The following KLF17 variants were observed in gnomAD, a reference collection of about 807,000 sequenced individuals.
The protein encoded by KLF17 is Krueppel-like factor 17.
KLF17 carries 31 observed loss-of-function variants against 34.2 expected under a neutral mutation model. That is an observed-to-expected ratio of 0.91 (90% CI 0.68 to 1.22). The LOEUF is 1.22. Ranked by LOEUF, KLF17 falls within the 50% of genes most tolerant of loss-of-function variation. KLF17 has a pLI of 0.00. For synonymous variants in KLF17, 179 were observed against 186.7 expected, an observed-to-expected ratio of 0.96 and a Z score of 0.34; for missense variants, 478 against 505.2, an observed-to-expected ratio of 0.95 and a Z score of 0.52.
In KLF17 at chr1:44,129,724, A is replaced by G. The variant is rs1195884698; in HGVS notation, c.453A>G (p.Leu151=). The change falls in exon 2 of 4, where the codon CTA becomes CTG. Residue 151 remains leucine (L), a synonymous_variant. Coordinates refer to ENST00000372299, the MANE Select transcript of KLF17 (RefSeq NM_173484.4). ...TAGCCAGGCCCTTCGGTGGGAATCT[A>G]AGGATGCCCCCCAATGGGCTGCCAG... The part of the protein sequence containing the change: ...PRVARPFGGN[L]RMPPNGLPVS... The G allele has an allele frequency of 6.2e-7, 1 of 1,614,162 alleles. No individual in the cohort carries two copies.
chr1:44,113,958 C>G (rs2087858187), upstream of KLF17: 2 of 152,336 alleles, frequency 1.3e-5, no homozygotes, highest in Admixed American at 1.3e-4. Flanking sequence ...GGCAGCATGC[C>G]TGCCCCTGAG....
chr1:44,065,855 A>G, the KLF17 span, among the ~76,000 whole-genome samples: 1 of 147,298 alleles, frequency 6.8e-6, no homozygotes, highest in African/African-American at 2.5e-5. Flanking sequence ...CCTATAAAAT[A>G]GTAAGAAATA....
At chr1:44,070,765 A>G in the KLF17 span, among the ~76,000 whole-genome samples, 2 of 151,772 alleles carry the variant, frequency 1.3e-5, no homozygotes, top group Non-Finnish European at 2.9e-5. Flanking sequence ...CAAACAAAGC[A>G]CATGTTTGAG....
intron 3 of KLF17, among the ~76,000 whole-genome samples, chr1:44,131,959 TGCTGGGATTACAA>T (rs2088115785): frequency 6.6e-6 from 1 of 152,038 alleles, no homozygotes; most frequent in South Asian, 2.1e-4. Context: ...CTTCCCAAAA[TGCTGGGATTACAA>T]GCATAAGCCA....
At chr1:44,060,897 C>A in the KLF17 span, among the ~76,000 whole-genome samples, 2 of 152,208 alleles carry the variant, frequency 1.3e-5, no homozygotes, top group Admixed American at 1.3e-4. Context: ...CATACATCAA[C>A]AACTCTGGGC....
the KLF17 span, among the ~76,000 whole-genome samples, chr1:44,092,172 A>G: frequency 2.0e-5 from 3 of 151,864 alleles, no homozygotes; most frequent in African/African-American, 7.3e-5. Flanking sequence ...GAGAAACACC[A>G]TCTCTACTTA....
At chr1:44,131,331 A>C (rs1392220860) in intron 3 of KLF17, among the ~76,000 whole-genome samples, 1 of 152,146 alleles carries the variant, frequency 6.6e-6, no homozygotes, top group African/African-American at 2.4e-5. Context: ...TGGGAGCTTC[A>C]TTAAAATGCT....
At position 44,129,488 on chromosome 1, in the gene KLF17, G is replaced by C. The variant is rs2088074719; in HGVS notation, c.217G>C (p.Val73Leu). 5.0e-6 allele frequency: 8 copies of C among 1,612,280 alleles called. No individual in the cohort carries two copies. The highest frequency in any genetic ancestry group is 6.8e-6 in the Non-Finnish European group (8 of 1,179,040). ...CGCAGAGATGCTGGGGTCCCCTTTG[G>C]TGTCTGTTGAGGCGCCGGGGCAGAA... The part of the protein sequence containing the change: ...HSAEMLGSPL[V>L]SVEAPGQNVN... The change falls in exon 2 of 4, where the codon GTG becomes CTG. Residue 73 changes from valine (V) to leucine (L), a missense_variant. By Grantham distance (32) the Val-to-Leu change is conservative. Transcript: ENST00000372299.
At chr1:44,058,715 A>G in the KLF17 span, among the ~76,000 whole-genome samples, 1 of 106,258 alleles carries the variant, frequency 9.4e-6, no homozygotes, top group Non-Finnish European at 1.7e-5. Flanking sequence ...CCCGAGACGG[A>G]GTCTCGCTCA....
In KLF17 at chr1:44,133,742, GTCCTACTTCACT is replaced by G. The variant is rs2088138493; in HGVS notation, c.*506_*517del. The G allele has an allele frequency of 6.6e-6, 1 of 152,266 alleles. No homozygotes were observed. The highest frequency in any genetic ancestry group is 1.5e-5 in the Non-Finnish European group (1 of 68,088). The allele number at this position is 152,266 out of a possible 1,614,324, so 9.4% of individuals were successfully genotyped here. On this transcript the variant is annotated 3_prime_UTR_variant, in exon 4 of 4. Coordinates refer to ENST00000372299, the MANE Select transcript of KLF17 (RefSeq NM_173484.4). Reference sequence around the variant, plus strand: ...GCCCTCTCACCCCTACCCTGACCTTGTCCTACTTCACTGCCTTTGTCTGTGTTACTAGTGGCC... The same window carrying G: ...GCCCTCTCACCCCTACCCTGACCTTGGCCTTTGTCTGTGTTACTAGTGGCC...
chr1:44,095,882 C>T, the KLF17 span, among the ~76,000 whole-genome samples: 5 of 151,832 alleles, frequency 3.3e-5, no homozygotes, highest in Non-Finnish European at 5.9e-5. Context: ...TTATATCCTG[C>T]AACTTTACTG....
the KLF17 span, among the ~76,000 whole-genome samples, chr1:44,073,420 G>A: frequency 6.6e-6 from 1 of 150,518 alleles, no homozygotes; most frequent in Non-Finnish European, 1.5e-5. Context: ...TGGCCAGGCT[G>A]GTCTCCAACT....
At position 44,130,612 on chromosome 1, in the gene KLF17, A is replaced by G; in HGVS notation, c.1026A>G (p.Pro342=). ...RHMRVHTRYR[P]YKCDQCSREF... Reference sequence around the variant, plus strand: ...TGCGGGTACACACCAGATATCGACCATATAAATGTGATCAGTGCAGCCGGG... The same window carrying G: ...TGCGGGTACACACCAGATATCGACCGTATAAATGTGATCAGTGCAGCCGGG... The change falls in exon 3 of 4, where the codon CCA becomes CCG. Residue 342 remains proline (P), a synonymous_variant. Coordinates refer to ENST00000372299, the MANE Select transcript of KLF17 (RefSeq NM_173484.4). 1.2e-6 allele frequency: 2 copies of G among 1,614,120 alleles called. No homozygotes were observed. The highest frequency in any genetic ancestry group is 1.7e-6 in the Non-Finnish European group (2 of 1,180,016).
chr1:44,113,864 T>C (rs900692634), upstream of KLF17: 5 of 152,294 alleles, frequency 3.3e-5, no homozygotes, highest in African/African-American at 1.2e-4. Flanking sequence ...TACAGCACTT[T>C]GCAGGGGACA....
At chr1:44,102,771 A>ATAGCTG in the KLF17 span, among the ~76,000 whole-genome samples, 7 of 152,266 alleles carry the variant, frequency 4.6e-5, no homozygotes, top group Admixed American at 4.6e-4. Context: ...GATAGTGGGA[A>ATAGCTG]TAGCTGTGCA....
At chr1:44,131,128 C>T (rs2154311856) in intron 3 of KLF17, among the ~76,000 whole-genome samples, 1 of 152,294 alleles carries the variant, frequency 6.6e-6, no homozygotes, top group East Asian at 1.9e-4. Flanking sequence ...TCCTACCTGC[C>T]TCTGACCAGT....
At chr1:44,056,889 TACTTAA>T in the KLF17 span, among the ~76,000 whole-genome samples, 1 of 151,940 alleles carries the variant, frequency 6.6e-6, no homozygotes, top group Admixed American at 6.6e-5. Context: ...GGAGGTCACT[TACTTAA>T]ATATCAGGCC....
chr1:44,065,149 G>A, the KLF17 span, among the ~76,000 whole-genome samples: 6 of 151,956 alleles, frequency 3.9e-5, no homozygotes, highest in African/African-American at 1.2e-4. Flanking sequence ...TTAGCGGGGC[G>A]TGGTAGCGCA....
the KLF17 span, among the ~76,000 whole-genome samples, chr1:44,089,489 G>T: frequency 6.6e-6 from 1 of 152,188 alleles, no homozygotes; most frequent in Non-Finnish European, 1.5e-5. Context: ...ATGACCTTGG[G>T]TGAAGCAGCT....
Sources: allele counts gnomAD v4.1 joint callset (sites outside exome capture counted in the v4.1 genomes callset), GRCh38; gene constraint gnomAD v4.1.1; transcripts MANE v1.5; gene names NCBI Gene and HGNC (gene_info 2026-07-23, HGNC 2026-07-21).